Variants in RANBP2 observed in about 807,000 individuals in gnomAD.
RANBP2 encodes the protein RAN binding protein 2, also known as E3 SUMO-protein ligase RanBP2.
RANBP2 carries 57 observed loss-of-function variants against 303.6 expected under a neutral mutation model. The observed-to-expected ratio is 0.19, with a 90% CI of 0.15 to 0.23. The LOEUF (loss-of-function observed/expected upper bound fraction) is 0.23. Among genes scored for constraint, RANBP2 ranks in the 10% least tolerant of loss-of-function variants. The pLI is 1.00. For synonymous variants in RANBP2, 1,167 were observed against 1,301.5 expected, an observed-to-expected ratio of 0.90 and a Z score of 2.23; for missense variants, 3,138 against 3,780.8, an observed-to-expected ratio of 0.83 and a Z score of 4.46.
the RANBP2 span, among the ~76,000 whole-genome samples, chr2:109,284,899 C>T: frequency 7.9e-5 from 12 of 152,242 alleles, no homozygotes; most frequent in Admixed American, 7.8e-4. Context: ...AAAATCCACA[C>T]TGGGCTCGTC....
chr2:109,398,524 G>T, the RANBP2 span: 1 of 1,376,432 alleles, frequency 7.3e-7, no homozygotes, highest in Non-Finnish European at 9.8e-7. Flanking sequence ...CCTGGAGAGT[G>T]CAGAGGGCTG....
In RANBP2 at chr2:108,765,952, G is replaced by T; in HGVS notation, c.5413G>T (p.Asp1805Tyr). ...TTCTTCCTTAAAATGTGTGGCTTGT[G>T]ATGCCTCTAAACCAACTCATAAACC... ...ESSSLKCVAC[D>Y]ASKPTHKPIA... Residue 1805 changes from aspartate to tyrosine, a missense_variant, in exon 20 of 29, where the codon GAT (aspartate) becomes TAT (tyrosine). Coordinates refer to ENST00000283195, the MANE Select transcript of RANBP2 (RefSeq NM_006267.5). The T allele has an allele frequency of 6.2e-7, 1 of 1,614,128 alleles. No homozygotes were observed. Among genetic ancestry groups the T allele is most frequent in the South Asian group, 1.1e-5 (1 of 91,082 alleles).
At chr2:109,569,366 G>A in the RANBP2 span, among the ~76,000 whole-genome samples, 24 of 151,444 alleles carry the variant, frequency 1.6e-4, no homozygotes, top group African/African-American at 4.6e-4. Context: ...AGGAGGCAGA[G>A]GTTGCAGTGA....
the RANBP2 span, among the ~76,000 whole-genome samples, chr2:109,235,976 T>C: frequency 0.67 from 35,390 of 52,980 alleles, 14,945 homozygotes; most frequent in East Asian, 0.92. Flanking sequence ...GCTCACTGCC[T>C]TTACTTTAAG....
chr2:109,178,866 A>C, the RANBP2 span, among the ~76,000 whole-genome samples: 1 of 152,250 alleles, frequency 6.6e-6, no homozygotes, highest in Non-Finnish European at 1.5e-5. Flanking sequence ...TTAATAAATG[A>C]ATTAAATGAT....
At chr2:109,506,953 G>C in the RANBP2 span, among the ~76,000 whole-genome samples, 8 of 152,320 alleles carry the variant, frequency 5.3e-5, no homozygotes, top group Non-Finnish European at 1.2e-4. Flanking sequence ...ACCCCACACA[G>C]AGCAGTGGGA....
At chr2:109,549,160 CAA>C in the RANBP2 span, among the ~76,000 whole-genome samples, 1 of 152,124 alleles carries the variant, frequency 6.6e-6, no homozygotes, top group Non-Finnish European at 1.5e-5. Flanking sequence ...GTGGCACAAA[CAA>C]AGAGTGGCAG....
chr2:108,960,789 G>A, the RANBP2 span, among the ~76,000 whole-genome samples: 6 of 152,152 alleles, frequency 3.9e-5, no homozygotes, highest in Admixed American at 1.3e-4. Flanking sequence ...GAGTCATATC[G>A]TATATTGAGT....
At chr2:109,413,682 G>A in the RANBP2 span, among the ~76,000 whole-genome samples, 149 of 152,264 alleles carry the variant, frequency 9.8e-4, no homozygotes, top group African/African-American at 3.1e-3. Context: ...GGGGCAGCAC[G>A]CCTGCCCCCA....
the RANBP2 span, among the ~76,000 whole-genome samples, chr2:109,035,721 T>C: frequency 3.2e-4 from 49 of 152,358 alleles, no homozygotes; most frequent in Middle Eastern, 3.4e-3. Flanking sequence ...CTGCAGAAGC[T>C]GATTGAGTGC....
At chr2:109,355,815 G>A in the RANBP2 span, among the ~76,000 whole-genome samples, 4 of 152,236 alleles carry the variant, frequency 2.6e-5, no homozygotes, top group East Asian at 5.8e-4. Context: ...TTTTGAGGAG[G>A]GGTATTTCTC....
chr2:108,786,806 T>G, downstream of RANBP2: 1 of 1,578,136 alleles, frequency 6.3e-7, no homozygotes, highest in Non-Finnish European at 8.6e-7. Context: ...GGGAGACTGG[T>G]ACGGTTGCTG....
At chr2:109,440,789 GC>G in the RANBP2 span, among the ~76,000 whole-genome samples, 7 of 152,154 alleles carry the variant, frequency 4.6e-5, no homozygotes, top group Admixed American at 2.6e-4. Flanking sequence ...CAGAGAGGCT[GC>G]AGAGCACGCC....
the RANBP2 span, among the ~76,000 whole-genome samples, chr2:109,389,574 C>G: frequency 6.6e-6 from 1 of 152,152 alleles, no homozygotes; most frequent in Non-Finnish European, 1.5e-5. Flanking sequence ...CTGCTCTAAG[C>G]CAGAGATCTC....
At chr2:109,586,281 T>C in the RANBP2 span, among the ~76,000 whole-genome samples, 1 of 152,210 alleles carries the variant, frequency 6.6e-6, no homozygotes, top group Non-Finnish European at 1.5e-5. Flanking sequence ...CAAACTTACC[T>C]GCCTACTGGT....
chr2:109,597,138 A>G, the RANBP2 span, among the ~76,000 whole-genome samples: 1 of 151,908 alleles, frequency 6.6e-6, no homozygotes, highest in South Asian at 2.1e-4. Context: ...ACGAGATCTC[A>G]CTCTGTTGCC....
At chr2:109,046,458 G>A in the RANBP2 span, among the ~76,000 whole-genome samples, 43 of 146,250 alleles carry the variant, frequency 2.9e-4, no homozygotes, top group Non-Finnish European at 5.2e-4. Context: ...CCAGGCTGGA[G>A]TGCAATGGCA....
At chr2:109,533,760 T>C in the RANBP2 span, among the ~76,000 whole-genome samples, 4 of 152,342 alleles carry the variant, frequency 2.6e-5, no homozygotes, top group African/African-American at 9.6e-5. Context: ...ATGATTGAGT[T>C]AGATAATTGA....
chr2:109,290,411 G>C, the RANBP2 span, among the ~76,000 whole-genome samples: 1 of 152,330 alleles, frequency 6.6e-6, no homozygotes, highest in Admixed American at 6.5e-5. Context: ...CCTTCAACCT[G>C]CCACACACGA....
Sources: gnomAD v4.1 joint callset for allele counts (sites outside exome capture counted in the v4.1 genomes callset) on GRCh38, gnomAD v4.1.1 for gene constraint, MANE v1.5 for transcripts, NCBI Gene and HGNC (gene_info 2026-07-23, HGNC 2026-07-21) for gene names.